Variants in H2BC4 observed in about 807,000 individuals in gnomAD.
H2BC4 encodes the protein histone H2B type 1-C/E/F/G/I.
In H2BC4, 10 loss-of-function variants were observed where a neutral mutation model predicts 6.2. The ratio of observed to expected loss-of-function variants is 1.61; its 90% CI spans 0.99 to 2.73. The LOEUF (loss-of-function observed/expected upper bound fraction) is 2.73, where lower values mean the gene tolerates loss of function less well. H2BC4 is among the 30% of genes most tolerant of loss of function. The pLI, the probability that H2BC4 is intolerant of heterozygous loss-of-function variation, is 0.00. For missense variants in H2BC4, 176 were observed against 168.7 expected, an observed-to-expected ratio of 1.04 and a Z score of -0.24; for synonymous variants, 146 against 70.7, an observed-to-expected ratio of 2.07 and a Z score of -5.35.
chr6:26,120,223 G>A (rs1245277546), downstream of H2BC4, among the ~76,000 whole-genome samples: 1 of 152,062 alleles, frequency 6.6e-6, no homozygotes, highest in Non-Finnish European at 1.5e-5. Context: ...ATCACTTTGG[G>A]AGGCCGAGGT....
downstream of H2BC4, among the ~76,000 whole-genome samples, chr6:26,121,972 G>A (rs2113797455): frequency 6.6e-6 from 1 of 150,406 alleles, no homozygotes; most frequent in South Asian, 2.1e-4. Context: ...AGAATGGCTT[G>A]AACCCGGGAG....
chr6:26,119,092 A>AC (rs1305582016), downstream of H2BC4, among the ~76,000 whole-genome samples: 1 of 151,918 alleles, frequency 6.6e-6, no homozygotes, highest in Non-Finnish European at 1.5e-5. Context: ...TAGCTATAGT[A>AC]CTTGATAGAG....
intron 1 of H2BC4, among the ~76,000 whole-genome samples, chr6:26,117,633 C>G (rs960683553): frequency 1.3e-5 from 2 of 152,180 alleles, no homozygotes; most frequent in African/African-American, 4.8e-5. Context: ...ATTATTACCA[C>G]TCTATAGGCT....
downstream of H2BC4, among the ~76,000 whole-genome samples, chr6:26,121,588 A>G (rs1387740890): frequency 6.6e-6 from 1 of 152,202 alleles, no homozygotes; most frequent in Non-Finnish European, 1.5e-5. Context: ...GAATTATTTC[A>G]TCTAACACAG....
chr6:26,120,951 C>T (rs149396623), downstream of H2BC4, among the ~76,000 whole-genome samples: 56 of 152,282 alleles, frequency 3.7e-4, no homozygotes, highest in African/African-American at 1.2e-3. Context: ...CTTTTTGTCT[C>T]CTGTTAGTCC....
chr6:26,114,742 TAA>T (rs1561952899), downstream of H2BC4: 2 of 151,838 alleles, frequency 1.3e-5, no homozygotes, highest in Admixed American at 6.6e-5. Flanking sequence ...TATACATCCA[TAA>T]AAAAGTTTCT....
chr6:26,123,158 C>T (rs2113798855), downstream of H2BC4, among the ~76,000 whole-genome samples: 1 of 152,320 alleles, frequency 6.6e-6, no homozygotes, highest in East Asian at 1.9e-4. Context: ...GAAATTATGA[C>T]ATTACGGCAA....
chr6:26,122,122 A>C (rs1187148273), downstream of H2BC4, among the ~76,000 whole-genome samples: 1 of 151,994 alleles, frequency 6.6e-6, no homozygotes. Context: ...TTCTCATCAG[A>C]ATTTCTCAGA....
chr6:26,123,451 T>C, downstream of H2BC4: 1 of 1,579,676 alleles, frequency 6.3e-7, no homozygotes, highest in Non-Finnish European at 8.6e-7. Context: ...TGGCCACAGC[T>C]CTTTTAGTGG....
Position 26,123,835 on chromosome 6 carries a change from T to C in H2BC4, c.70A>G (p.Lys24Glu), listed in dbSNP as rs1763559863. 1.9e-6 allele frequency: 3 copies of C among 1,614,144 alleles called. No homozygotes were observed. Among genetic ancestry groups the C allele is most frequent in the Admixed American group, 1.7e-5 (1 of 60,010 alleles). Residue 24 changes from lysine to glutamate, a missense_variant, in exon 1 of 1, where the codon AAG (lysine) becomes GAG (glutamate). Coordinates refer to ENST00000396984, the MANE Select transcript of H2BC4 (RefSeq NM_003526.3). ...GSKKAVTKAQ[K>E]KDGKKRKRSR... ...CGCTTGCGCTTCTTGCCATCTTTCT[T>C]CTGCGCTTTGGTCACTGCCTTCTTG...
Position 26,123,724 on chromosome 6 carries a change from C to T in H2BC4, c.181G>A (p.Gly61Ser). The change falls in exon 1 of 1, where the codon GGC (glycine) becomes AGC (serine). Residue 61 changes from glycine to serine, a missense_variant. By Grantham distance (56) the Gly-to-Ser change is moderately conservative. Coordinates refer to ENST00000396984, the MANE Select transcript of H2BC4 (RefSeq NM_003526.3). ...TCGTTAACGAAAGAATTCATGATGCCCATGGCCTTGGAAGAGATGCCAGTG... is the reference window on the plus strand; with the variant it reads ...TCGTTAACGAAAGAATTCATGATGCTCATGGCCTTGGAAGAGATGCCAGTG... ...PDTGISSKAMGIMNSFVNDIF... is the reference protein window; with the variant it reads ...PDTGISSKAMSIMNSFVNDIF... 1.9e-6 allele frequency: 3 copies of T among 1,614,242 alleles called. No individual in the cohort carries two copies. The highest frequency in any genetic ancestry group is 2.5e-6 in the Non-Finnish European group (3 of 1,180,048).
intron 1 of H2BC4, among the ~76,000 whole-genome samples, chr6:26,118,399 G>A (rs1763451698): frequency 6.6e-6 from 1 of 152,120 alleles, no homozygotes; most frequent in Non-Finnish European, 1.5e-5. Context: ...TCAAATGTGG[G>A]CCACAGGCAG....
chr6:26,121,522 C>A (rs921597300), downstream of H2BC4, among the ~76,000 whole-genome samples: 6 of 151,924 alleles, frequency 3.9e-5, no homozygotes, highest in African/African-American at 1.2e-4. Flanking sequence ...AATAAATGAC[C>A]AAGAAGTTAA....
At chr6:26,123,413 C>T (rs1264959292), downstream of H2BC4, 3 of 1,530,852 alleles carry the variant, frequency 2.0e-6, no homozygotes, top group Admixed American at 4.4e-5. Flanking sequence ...TTCTAATACC[C>T]CTCCGCCGCC....
chr6:26,120,995 G>A (rs1168477269), downstream of H2BC4, among the ~76,000 whole-genome samples: 1 of 152,130 alleles, frequency 6.6e-6, no homozygotes, highest in African/African-American at 2.4e-5. Flanking sequence ...TTATAACAGG[G>A]CAGCCATTTT....
chr6:26,122,059 AAAAAAAAAAAAAG>A (rs1424200932), downstream of H2BC4, among the ~76,000 whole-genome samples: 1 of 151,318 alleles, frequency 6.6e-6, no homozygotes, highest in Non-Finnish European at 1.5e-5. Flanking sequence ...GTCTCAAAAA[AAAAAAAAAAAAAG>A]AAAAAAAAAT....
In H2BC4 at chr6:26,123,472, G is replaced by A. The variant is rs1763541657; in HGVS notation, c.*52C>T. 1.2e-6 allele frequency: 2 copies of A among 1,609,250 alleles called. No homozygotes were observed. The highest frequency in any genetic ancestry group is 1.1e-5 in the South Asian group (1 of 90,700). On this transcript the variant is annotated 3_prime_UTR_variant, in exon 1 of 1. Coordinates refer to ENST00000396984, the MANE Select transcript of H2BC4 (RefSeq NM_003526.3). ...CAGCTCTTTTAGTGGGTATCTGGGTGGCTCTTAAAAGAGCCTTTGGGGTTA... is the reference window on the plus strand; with the variant it reads ...CAGCTCTTTTAGTGGGTATCTGGGTAGCTCTTAAAAGAGCCTTTGGGGTTA...
downstream of H2BC4, chr6:26,123,312 C>A: frequency 2.3e-6 from 2 of 870,934 alleles, no homozygotes; most frequent in Non-Finnish European, 3.4e-6. Context: ...GACCCCAAAG[C>A]CATTTTTAAT....
At chr6:26,120,412 G>A (rs1763483080), downstream of H2BC4, among the ~76,000 whole-genome samples, 1 of 151,146 alleles carries the variant, frequency 6.6e-6, no homozygotes, top group African/African-American at 2.4e-5. Flanking sequence ...TTGTGCCACT[G>A]CACCCCAGCC....
Sources: gnomAD v4.1 joint callset for allele counts (sites outside exome capture counted in the v4.1 genomes callset) on GRCh38, gnomAD v4.1.1 for gene constraint, MANE v1.5 for transcripts, NCBI Gene and HGNC (gene_info 2026-07-23, HGNC 2026-07-21) for gene names.